Variants in MYO5B observed in about 807,000 individuals in gnomAD.
The protein encoded by MYO5B is unconventional myosin-Vb.
Under a neutral mutation model 229.3 loss-of-function variants are expected in MYO5B, and 143 were observed. The observed-to-expected ratio is 0.62, with a 90% CI of 0.54 to 0.72. MYO5B has a LOEUF of 0.72. MYO5B is among the 30% of genes least tolerant of loss of function. MYO5B has a pLI of 0.00. For synonymous variants in MYO5B, 918 were observed against 885.2 expected, an observed-to-expected ratio of 1.04 and a Z score of -0.66; for missense variants, 2,321 against 2,331.0, an observed-to-expected ratio of 1.00 and a Z score of 0.09.
chr18:49,911,420 G>C (rs1457984320), intron 18 of MYO5B, among the ~76,000 whole-genome samples: 1 of 152,204 alleles, frequency 6.6e-6, no homozygotes, highest in Non-Finnish European at 1.5e-5. Flanking sequence ...GCTGAAGGTG[G>C]CCTGATCCCT....
chr18:50,067,134 C>T (rs1003117167), intron 1 of MYO5B, among the ~76,000 whole-genome samples: 3 of 152,132 alleles, frequency 2.0e-5, no homozygotes, highest in African/African-American at 7.2e-5. Context: ...CCTTTATCCA[C>T]TCTACTATGA....
chr18:50,141,586 T>A (rs2032418600), intron 1 of MYO5B, among the ~76,000 whole-genome samples: 1 of 152,306 alleles, frequency 6.6e-6, no homozygotes, highest in South Asian at 2.1e-4. Context: ...CCTGCATCAA[T>A]CTTTCTGATA....
chr18:49,936,393 T>A, intron 15 of MYO5B, 44 bp from the exon 16 acceptor site: 1 of 1,402,400 alleles, frequency 7.1e-7, no homozygotes, highest in Non-Finnish European at 9.9e-7. Flanking sequence ...TAACAAGTCG[T>A]GGATGTGTGA....
At chr18:50,084,126 C>A (rs2031278288) in intron 1 of MYO5B, among the ~76,000 whole-genome samples, 1 of 152,162 alleles carries the variant, frequency 6.6e-6, no homozygotes, top group African/African-American at 2.4e-5. Flanking sequence ...TAACATTTAG[C>A]AGCACATGTT....
chr18:49,939,496 AT>A (rs1439372864), intron 14 of MYO5B, among the ~76,000 whole-genome samples: 1 of 152,160 alleles, frequency 6.6e-6, no homozygotes, highest in Non-Finnish European at 1.5e-5. Context: ...AGAAAGTTGT[AT>A]TTTTGATCTG....
intron 22 of MYO5B, among the ~76,000 whole-genome samples, chr18:49,883,161 G>T (rs2024606706): frequency 1.3e-5 from 2 of 152,198 alleles, no homozygotes; most frequent in South Asian, 4.1e-4. Flanking sequence ...ATTCAGCATT[G>T]TACTGAAGGT....
At chr18:49,844,872 G>A (rs2024105675) in intron 33 of MYO5B, among the ~76,000 whole-genome samples, 1 of 152,206 alleles carries the variant, frequency 6.6e-6, no homozygotes, top group South Asian at 2.1e-4. Context: ...AGCATCTTGG[G>A]GAAGAGACGA....
chr18:49,867,016 G>C (rs932907960), intron 27 of MYO5B, among the ~76,000 whole-genome samples: 8 of 152,184 alleles, frequency 5.3e-5, no homozygotes, highest in South Asian at 2.1e-4. Flanking sequence ...GGGAAATGCT[G>C]TCATGCAGAA....
chr18:50,137,754 G>A (rs2032356628), intron 1 of MYO5B, among the ~76,000 whole-genome samples: 2 of 152,262 alleles, frequency 1.3e-5, no homozygotes, highest in African/African-American at 4.8e-5. Flanking sequence ...ATGACAGATT[G>A]GATAAAGAAT....
intron 2 of MYO5B, among the ~76,000 whole-genome samples, chr18:50,048,605 G>A (rs1191697310): frequency 6.6e-6 from 1 of 152,092 alleles, no homozygotes; most frequent in East Asian, 1.9e-4. Context: ...GTAATCACAG[G>A]GTCCCACTGA....
intron 1 of MYO5B, among the ~76,000 whole-genome samples, chr18:50,122,456 A>AAAAAAAAAAAAAT (rs2032075291): frequency 6.8e-6 from 1 of 148,102 alleles, no homozygotes; most frequent in South Asian, 2.2e-4. Context: ...AAAAAAAAAA[A>AAAAAAAAAAAAAT]AAAAATCAGC....
At chr18:50,114,674 T>C (rs908709127) in intron 1 of MYO5B, among the ~76,000 whole-genome samples, 2 of 152,166 alleles carry the variant, frequency 1.3e-5, no homozygotes, top group African/African-American at 4.8e-5. Context: ...GGCAAAGAAC[T>C]AGAGGACCAG....
intron 14 of MYO5B, among the ~76,000 whole-genome samples, chr18:49,947,128 C>T (rs1314436384): frequency 4.2e-5 from 4 of 94,852 alleles, no homozygotes; most frequent in East Asian, 6.0e-4. Context: ...TTTTTTGAGA[C>T]GGAGTCTCAC....
intron 1 of MYO5B, among the ~76,000 whole-genome samples, chr18:50,063,611 C>T (rs1339958744): frequency 6.6e-6 from 1 of 152,148 alleles, no homozygotes; most frequent in Admixed American, 6.5e-5. Context: ...CGCTCTGATG[C>T]GGTAACTGCA....
At chr18:49,924,262 A>G (rs555571523) in intron 17 of MYO5B, among the ~76,000 whole-genome samples, 8 of 152,362 alleles carry the variant, frequency 5.3e-5, no homozygotes, top group South Asian at 4.1e-4. Flanking sequence ...TCATATCCCA[A>G]TAAGTAATAA....
At chr18:50,039,834 C>T (rs372998302) in intron 3 of MYO5B, among the ~76,000 whole-genome samples, 5 of 152,200 alleles carry the variant, frequency 3.3e-5, no homozygotes, top group Middle Eastern at 3.4e-3. Context: ...TGAGAGCAGG[C>T]GCCCAGCTCA....
Position 50,045,421 on chromosome 18 carries a change from T to A in MYO5B, c.139-5107A>T, listed in dbSNP as rs61552507. On this transcript the variant is annotated intron_variant, in intron 2 of 39. Coordinates refer to ENST00000285039, the MANE Select transcript of MYO5B (RefSeq NM_001080467.3). ...GAGAGTTTTTCTTTTTGAGACAGAGTCTTGCTCTACTGCCCAGCCTGGAGT... is the reference window on the plus strand; with the variant it reads ...GAGAGTTTTTCTTTTTGAGACAGAGACTTGCTCTACTGCCCAGCCTGGAGT... Among the ~76,000 whole-genome samples the A allele has an allele frequency of 1.5e-3, 227 of 152,166 alleles. 2 individuals are homozygous for A. The highest frequency in any genetic ancestry group is 5.2e-3 in the African/African-American group (217 of 41,542).
intron 1 of MYO5B, among the ~76,000 whole-genome samples, chr18:50,177,221 C>A (rs1568134273): frequency 1.3e-5 from 2 of 151,722 alleles, no homozygotes; most frequent in Non-Finnish European, 2.9e-5. Flanking sequence ...GACTACATGA[C>A]AAAAAAAGGT....
intron 1 of MYO5B, among the ~76,000 whole-genome samples, chr18:50,105,790 G>C (rs1190695415): frequency 6.6e-6 from 1 of 151,996 alleles, no homozygotes; most frequent in Non-Finnish European, 1.5e-5. Context: ...TATGGAGCTG[G>C]GCTGGACAAA....
Sources: gnomAD v4.1 joint callset for allele counts (sites outside exome capture counted in the v4.1 genomes callset) on GRCh38, gnomAD v4.1.1 for gene constraint, MANE v1.5 for transcripts, NCBI Gene and HGNC (gene_info 2026-07-23, HGNC 2026-07-21) for gene names.